AHCYL2: variants seen among roughly 807,000 people sequenced by gnomAD.
AHCYL2 encodes the protein S-adenosylhomocysteine hydrolase-like protein 2.
AHCYL2 carries 28 observed loss-of-function variants against 81.4 expected under a neutral mutation model. The observed-to-expected ratio is 0.34, with a 90% confidence interval of 0.25 to 0.47. The LOEUF (loss-of-function observed/expected upper bound fraction) is 0.47, where lower values mean the gene tolerates loss of function less well. Ranked by LOEUF, AHCYL2 falls within the 20% of genes least tolerant of loss-of-function variation. The pLI is 1.00. For missense variants in AHCYL2, 551 were observed against 785.1 expected, an observed-to-expected ratio of 0.70 and a Z score of 3.56; for synonymous variants, 272 against 290.2, an observed-to-expected ratio of 0.94 and a Z score of 0.64.
chr7:129,243,357 G>A (rs905529336), intron 1 of AHCYL2, among the ~76,000 whole-genome samples: 2 of 151,966 alleles, frequency 1.3e-5, no homozygotes, highest in Non-Finnish European at 2.9e-5. Context: ...TCAGATATGT[G>A]TGTGTGTTGA....
intron 1 of AHCYL2, among the ~76,000 whole-genome samples, chr7:129,309,097 C>T (rs959600528): frequency 4.0e-5 from 6 of 151,776 alleles, no homozygotes; most frequent in Non-Finnish European, 7.4e-5. Flanking sequence ...CCGGGCGTGG[C>T]GGCGGGCACC....
rs1795584784 is a variant in AHCYL2 at position 129,393,880 on chromosome 7, C to A, written c.721-3342C>A. On this transcript the variant is annotated intron_variant, in intron 4 of 16. Transcript: ENST00000325006. The stretch of plus-strand genomic sequence containing the variant: ...CCTCTCCATACATGTAACTGGAGTT[C>A]CAGAAGGCAAAGAGGGAAAGAATCC... Among the ~76,000 whole-genome samples, 3 of 152,188 alleles carry A rather than the reference C, an allele frequency of 2.0e-5. No homozygotes were observed. In the South Asian group the frequency reaches 6.2e-4, roughly 32 times the overall value.
At chr7:129,324,172 C>T (rs554379593) in intron 1 of AHCYL2, among the ~76,000 whole-genome samples, 111 of 151,834 alleles carry the variant, frequency 7.3e-4, no homozygotes, top group African/African-American at 2.5e-3. Flanking sequence ...CATGAGCCAC[C>T]GTGCCCTGCC....
intron 1 of AHCYL2, among the ~76,000 whole-genome samples, chr7:129,330,463 C>T (rs1049747715): frequency 6.6e-6 from 1 of 151,486 alleles, no homozygotes; most frequent in African/African-American, 2.4e-5. Flanking sequence ...CCAGGATACT[C>T]TGGTACATTT....
At chr7:129,333,079 G>T (rs982852358) in intron 1 of AHCYL2, among the ~76,000 whole-genome samples, 9 of 152,148 alleles carry the variant, frequency 5.9e-5, no homozygotes, top group African/African-American at 2.2e-4. Context: ...CTATATTTCA[G>T]AACTGGAAAA....
chr7:129,401,347 C>CA (rs1193458095), intron 6 of AHCYL2, among the ~76,000 whole-genome samples: 6 of 150,942 alleles, frequency 4.0e-5, no homozygotes, highest in South Asian at 2.1e-4. Context: ...GTGCCCCCCC[C>CA]CAAAAAAGCT....
At chr7:129,401,255 A>C (rs939820942) in intron 6 of AHCYL2, among the ~76,000 whole-genome samples, 13 of 151,196 alleles carry the variant, frequency 8.6e-5, no homozygotes, top group Non-Finnish European at 1.5e-4. Flanking sequence ...ACTTGAGCCC[A>C]GGAGGTGGAG....
intron 1 of AHCYL2, among the ~76,000 whole-genome samples, chr7:129,245,150 G>T (rs1192825605): frequency 1.3e-5 from 2 of 151,102 alleles, no homozygotes; most frequent in Admixed American, 1.3e-4. Context: ...TCAGCCTCCC[G>T]AGTACCTGGG....
At chr7:129,270,917 C>T (rs756578196) in intron 1 of AHCYL2, among the ~76,000 whole-genome samples, 1 of 152,126 alleles carries the variant, frequency 6.6e-6, no homozygotes, top group African/African-American at 2.4e-5. Flanking sequence ...TTTCTGCAGT[C>T]CAGGAAACCC....
At chr7:129,285,619 G>C (rs1053205693) in intron 1 of AHCYL2, among the ~76,000 whole-genome samples, 2 of 151,806 alleles carry the variant, frequency 1.3e-5, no homozygotes, top group African/African-American at 4.8e-5. Flanking sequence ...TGACCTTGTA[G>C]AATCCATGTG....
intron 1 of AHCYL2, among the ~76,000 whole-genome samples, chr7:129,339,220 A>G (rs1793070602): frequency 6.6e-6 from 1 of 152,178 alleles, no homozygotes; most frequent in African/African-American, 2.4e-5. Context: ...AACCAGTTCT[A>G]GGTGTAGAAA....
At position 129,405,854 on chromosome 7, in the gene AHCYL2, C is replaced by T. The variant is rs768136858; in HGVS notation, c.1161C>T (p.Asp387=). The T allele has an allele frequency of 9.3e-6, 15 of 1,613,088 alleles. No homozygotes were observed. Among genetic ancestry groups the T allele is most frequent in the Non-Finnish European group, 1.3e-5 (15 of 1,179,622 alleles). The change falls in exon 9 of 17, where the codon GAC becomes GAT. Residue 387 remains aspartate (D), a synonymous_variant. Coordinates refer to ENST00000325006, the MANE Select transcript of AHCYL2 (RefSeq NM_015328.4). Reference sequence around the variant, plus strand: ...CCCCTAGACTTAAAAGGACAACAGACATGATGTTTGGTGGAAAGCAAGTGG... The same window carrying T: ...CCCCTAGACTTAAAAGGACAACAGATATGATGTTTGGTGGAAAGCAAGTGG... ...SILDGLKRTT[D]MMFGGKQVVV...
chr7:129,277,756 T>TTA (rs1187151020), intron 1 of AHCYL2, among the ~76,000 whole-genome samples: 5 of 152,304 alleles, frequency 3.3e-5, no homozygotes, highest in Middle Eastern at 6.8e-3. Context: ...CGAGATTTAT[T>TTA]TATGTTGTTG....
intron 1 of AHCYL2, among the ~76,000 whole-genome samples, chr7:129,339,297 G>T (rs1451413725): frequency 6.6e-6 from 1 of 152,144 alleles, no homozygotes; most frequent in Non-Finnish European, 1.5e-5. Flanking sequence ...GGCAGTTTGA[G>T]AGTTAATATC....
intron 1 of AHCYL2, among the ~76,000 whole-genome samples, chr7:129,295,010 G>T (rs1046401243): frequency 1.2e-4 from 19 of 152,238 alleles, no homozygotes; most frequent in Non-Finnish European, 5.9e-5. Flanking sequence ...TGGCTTGATG[G>T]ATTGGTACCA....
chr7:129,331,863 TA>T lies in AHCYL2; in HGVS notation c.364-47769del, dbSNP rs200561975. Among the ~76,000 whole-genome samples the T allele has an allele frequency of 6.1e-3, 920 of 150,790 alleles. 11 individuals are homozygous for T. The highest frequency in any genetic ancestry group is 0.021 in the African/African-American group (885 of 41,274). ...TGTCAAAAAAAAATTTTAATTTAAT[TA>T]AAAAATATATATATATATAATTTAA... On this transcript the variant is annotated intron_variant, in intron 1 of 16. Transcript: ENST00000325006.
chr7:129,332,505 T>TTA (rs1798455952), intron 1 of AHCYL2, among the ~76,000 whole-genome samples: 2 of 152,332 alleles, frequency 1.3e-5, no homozygotes, highest in East Asian at 3.9e-4. Flanking sequence ...ATTTTAACCA[T>TTA]TATTCAGTTT....
chr7:129,358,160 G>A (rs1343045617), intron 1 of AHCYL2, among the ~76,000 whole-genome samples: 1 of 151,976 alleles, frequency 6.6e-6, no homozygotes. Flanking sequence ...TTGGGAGGCC[G>A]AGGTGGGCGG....
chr7:129,231,335 A>G (rs980740642), intron 1 of AHCYL2, among the ~76,000 whole-genome samples: 1 of 152,174 alleles, frequency 6.6e-6, no homozygotes, highest in African/African-American at 2.4e-5. Context: ...TACTACTAGT[A>G]CTACCTACAT....
Sources: allele counts gnomAD v4.1 joint callset (sites outside exome capture counted in the v4.1 genomes callset), GRCh38; gene constraint gnomAD v4.1.1; transcripts MANE v1.5; gene names NCBI Gene and HGNC (gene_info 2026-07-23, HGNC 2026-07-21).